UTS2: variants seen among roughly 807,000 people sequenced by gnomAD.
UTS2 encodes urotensin-2.
UTS2 carries 10 observed loss-of-function variants against 12.6 expected under a neutral mutation model. That is an observed-to-expected ratio of 0.80 (90% CI 0.49 to 1.35). The LOEUF (loss-of-function observed/expected upper bound fraction) is 1.35, where lower values mean the gene tolerates loss of function less well. UTS2 is among the 40% of genes most tolerant of loss of function. UTS2 has a pLI of 0.00. For missense variants in UTS2, 142 were observed against 143.2 expected (o/e 0.99, Z 0.04); for synonymous variants, 52 against 50.0 (o/e 1.04, Z -0.17).
chr1:7,903,623 C>T, the UTS2 span, among the ~76,000 whole-genome samples: 2 of 152,134 alleles, frequency 1.3e-5, no homozygotes, highest in South Asian at 2.1e-4. Context: ...CTCCTGGACT[C>T]AAGCGATCCT....
the UTS2 span, among the ~76,000 whole-genome samples, chr1:7,863,047 T>TTGAGACGAA: frequency 1.9e-4 from 7 of 37,054 alleles, no homozygotes; most frequent in Non-Finnish European, 3.2e-4. Flanking sequence ...TGTATTGTAT[T>TTGAGACGAA]GTATTGTATT....
the UTS2 span, among the ~76,000 whole-genome samples, chr1:7,879,449 T>C: frequency 2.6e-5 from 4 of 152,078 alleles, no homozygotes; most frequent in Non-Finnish European, 5.9e-5. Context: ...ATTTAATAAG[T>C]CTTGAAACAA....
At chr1:7,889,650 C>T in the UTS2 span, among the ~76,000 whole-genome samples, 2 of 151,406 alleles carry the variant, frequency 1.3e-5, no homozygotes, top group African/African-American at 2.4e-5. Context: ...ACTAAAAATA[C>T]AAAAATTAGC....
the UTS2 span, among the ~76,000 whole-genome samples, chr1:7,861,232 G>A: frequency 1.3e-5 from 2 of 152,064 alleles, no homozygotes; most frequent in Admixed American, 6.5e-5. Context: ...ACTGTGCAAC[G>A]AGTTTGGAAT....
At chr1:7,911,823 C>T in the UTS2 span, among the ~76,000 whole-genome samples, 61 of 150,808 alleles carry the variant, frequency 4.0e-4, no homozygotes, top group African/African-American at 1.4e-3. Context: ...ATCGCTTGAA[C>T]CCAGGAGGCG....
the UTS2 span, among the ~76,000 whole-genome samples, chr1:7,866,296 G>A: frequency 6.6e-6 from 1 of 152,164 alleles, no homozygotes; most frequent in Non-Finnish European, 1.5e-5. The surrounding 1 kb of genome is among the most constrained non-coding windows in gnomAD (Gnocchi z 4.5). Context: ...GCTGGGAAGA[G>A]CTTCCATTCA....
chr1:7,895,098 G>A, the UTS2 span, among the ~76,000 whole-genome samples: 2 of 152,194 alleles, frequency 1.3e-5, no homozygotes, highest in Non-Finnish European at 2.9e-5. Flanking sequence ...GCCTGGCACG[G>A]TGGCTCACAC....
chr1:7,888,733 A>G, the UTS2 span, among the ~76,000 whole-genome samples: 1 of 152,224 alleles, frequency 6.6e-6, no homozygotes, highest in Non-Finnish European at 1.5e-5. Flanking sequence ...GTCCAGATGG[A>G]AACCATCACT....
At chr1:7,904,935 G>C in the UTS2 span, among the ~76,000 whole-genome samples, 1 of 131,398 alleles carries the variant, frequency 7.6e-6, no homozygotes, top group Non-Finnish European at 1.6e-5. Context: ...AGCCCACATA[G>C]AAAGGGGACT....
the UTS2 span, among the ~76,000 whole-genome samples, chr1:7,908,875 T>A: frequency 1.3e-5 from 2 of 151,562 alleles, no homozygotes; most frequent in Non-Finnish European, 2.9e-5. Context: ...GGCATGATCT[T>A]GGCTCACTGC....
chr1:7,853,238 C>T, upstream of UTS2: 1 of 1,595,708 alleles, frequency 6.3e-7, no homozygotes, highest in South Asian at 1.1e-5. Flanking sequence ...TGTCTTGTTG[C>T]CTAGTGTACA....
chr1:7,890,408 G>A, the UTS2 span, among the ~76,000 whole-genome samples: 1 of 152,026 alleles, frequency 6.6e-6, no homozygotes, highest in Non-Finnish European at 1.5e-5. Context: ...ACCAGCCCAG[G>A]TGGCTCTTCT....
chr1:7,910,843 C>T, the UTS2 span, among the ~76,000 whole-genome samples: 1 of 152,222 alleles, frequency 6.6e-6, no homozygotes, highest in Admixed American at 6.5e-5. Flanking sequence ...CTCAAGTGAT[C>T]CTCCTGCCTC....
the UTS2 span, among the ~76,000 whole-genome samples, chr1:7,910,671 T>G: frequency 6.6e-6 from 1 of 152,204 alleles, no homozygotes; most frequent in African/African-American, 2.4e-5. Context: ...AGGAGCTCTT[T>G]AGAGAGCAAA....
At chr1:7,885,907 G>GA in the UTS2 span, among the ~76,000 whole-genome samples, 1 of 85,040 alleles carries the variant, frequency 1.2e-5, no homozygotes, top group African/African-American at 5.1e-5. Context: ...GGGGGGTGGG[G>GA]TGGGGGGGGG....
chr1:7,874,198 G>A, the UTS2 span, among the ~76,000 whole-genome samples: 26,900 of 152,044 alleles, frequency 0.18, 2,585 homozygotes, highest in Non-Finnish European at 0.19. Context: ...AGAGATCCCC[G>A]CAAGGCTGCA....
chr1:7,853,388 G>T, upstream of UTS2: 1 of 1,614,174 alleles, frequency 6.2e-7, no homozygotes, highest in Non-Finnish European at 8.5e-7. Flanking sequence ...ATGAGTCCGA[G>T]CAGAAGTGAC....
At chr1:7,863,439 C>T in the UTS2 span, among the ~76,000 whole-genome samples, 1 of 152,142 alleles carries the variant, frequency 6.6e-6, no homozygotes, top group East Asian at 1.9e-4. Flanking sequence ...TTGCAGCCTG[C>T]CGTCTTTTAC....
chr1:7,885,107 CCATTCATCCATCCACCCACCTAT>C, the UTS2 span, among the ~76,000 whole-genome samples: 7 of 147,780 alleles, frequency 4.7e-5, no homozygotes, highest in African/African-American at 1.8e-4. Context: ...ATCCATGCAT[CCATTCATCCATCCACCCACCTAT>C]CATCCATCCA....
Sources: gnomAD v4.1 joint callset for allele counts (sites outside exome capture counted in the v4.1 genomes callset) on GRCh38, gnomAD v4.1.1 for gene constraint, Gnocchi (gnomAD v3.1) non-coding constraint, MANE v1.5 for transcripts, NCBI Gene and HGNC (gene_info 2026-07-23, HGNC 2026-07-21) for gene names.